The following ZFHX3 variants were observed in gnomAD, a reference collection of about 807,000 sequenced individuals.
ZFHX3 encodes the protein zinc finger homeobox 3, also known as zinc finger homeobox protein 3.
A neutral mutation model predicts 279.1 loss-of-function variants in ZFHX3; 42 were observed. That is an observed-to-expected ratio of 0.15 (90% CI 0.12 to 0.19). The LOEUF (loss-of-function observed/expected upper bound fraction) is 0.19, where lower values mean the gene tolerates loss of function less well. Among genes scored for constraint, ZFHX3 ranks in the 10% least tolerant of loss-of-function variants. The pLI, the probability that ZFHX3 is intolerant of heterozygous loss-of-function variation, is 1.00. For missense variants in ZFHX3, 4,981 were observed against 4,754.0 expected (o/e 1.05, Z -1.40); for synonymous variants, 2,293 against 1,957.8 (o/e 1.17, Z -4.52).
At chr16:73,022,479 G>A (rs538467236) in intron 1 of ZFHX3, among the ~76,000 whole-genome samples, 18 of 152,236 alleles carry the variant, frequency 1.2e-4, no homozygotes, top group Admixed American at 8.5e-4. Context: ...TGGGGATGAG[G>A]GTGGCTGTCC....
intron 1 of ZFHX3, among the ~76,000 whole-genome samples, chr16:73,725,660 T>G (rs2053513002): frequency 6.6e-6 from 1 of 152,078 alleles, no homozygotes; most frequent in Non-Finnish European, 1.5e-5. Flanking sequence ...AGGAGCTACC[T>G]AAGTCCTCCC....
intron 1 of ZFHX3, among the ~76,000 whole-genome samples, chr16:73,022,733 C>T (rs2067713010): frequency 6.6e-6 from 1 of 152,114 alleles, no homozygotes; most frequent in Non-Finnish European, 1.5e-5. Context: ...GGCTGGGAAA[C>T]AGGACGTGGT....
At chr16:73,131,240 T>C (rs113008359) in intron 6 of ZFHX3, 34 of 309,432 alleles carry the variant, frequency 1.1e-4, no homozygotes, top group African/African-American at 6.6e-4. Flanking sequence ...ATGCCTGTTA[T>C]ATATAATGAA....
intron 7 of ZFHX3, among the ~76,000 whole-genome samples, chr16:72,802,462 C>T (rs1480057193): frequency 6.6e-6 from 1 of 152,126 alleles, no homozygotes; most frequent in East Asian, 1.9e-4. Context: ...TAATCTGGGC[C>T]TCCAAACCTG....
chr16:72,940,084 A>T (rs530965938), intron 3 of ZFHX3, among the ~76,000 whole-genome samples: 1 of 150,800 alleles, frequency 6.6e-6, no homozygotes, highest in African/African-American at 2.4e-5. Flanking sequence ...TAATTTTTTA[A>T]ATTTTTTTAT....
intron 2 of ZFHX3, among the ~76,000 whole-genome samples, chr16:73,624,154 G>T (rs2052394180): frequency 6.6e-6 from 1 of 152,102 alleles, no homozygotes; most frequent in Non-Finnish European, 1.5e-5. Flanking sequence ...ATTAGATGCT[G>T]CTTAAACATT....
intron 5 of ZFHX3, among the ~76,000 whole-genome samples, chr16:73,191,223 A>G (rs1012793601): frequency 6.6e-6 from 1 of 152,158 alleles, no homozygotes; most frequent in Non-Finnish European, 1.5e-5. Flanking sequence ...CAGCAGGTAG[A>G]TCCACTGGTT....
intron 2 of ZFHX3, among the ~76,000 whole-genome samples, chr16:73,535,066 G>A (rs1306067911): frequency 1.3e-5 from 2 of 152,054 alleles, no homozygotes; most frequent in African/African-American, 4.8e-5. Context: ...ACTTTGATTT[G>A]TAGTGTTAGC....
intron 3 of ZFHX3, chr16:73,400,802 G>A (rs1003342457): frequency 6.6e-6 from 1 of 152,200 alleles, no homozygotes; most frequent in Non-Finnish European, 1.5e-5. Context: ...GGATAACGCT[G>A]AGGAGCTGGC....
At chr16:72,998,686 C>G (rs1280461471) in intron 1 of ZFHX3, among the ~76,000 whole-genome samples, 2 of 152,206 alleles carry the variant, frequency 1.3e-5, no homozygotes, top group East Asian at 3.9e-4. Flanking sequence ...AAACATAACT[C>G]TGATCTGGCC....
intron 7 of ZFHX3, among the ~76,000 whole-genome samples, chr16:73,124,736 G>T (rs190390043): frequency 7.9e-5 from 12 of 152,286 alleles, no homozygotes; most frequent in Middle Eastern, 6.8e-3. Context: ...AGAGTGTAGC[G>T]CACTGGGGTT....
chr16:73,094,961 C>G (rs1966141352), intron 7 of ZFHX3, among the ~76,000 whole-genome samples: 1 of 152,194 alleles, frequency 6.6e-6, no homozygotes. Flanking sequence ...CTGCCCACCT[C>G]AGCCTCCTAA....
chr16:73,816,135 A>G (rs1960564713), intron 1 of ZFHX3: 1 of 152,214 alleles, frequency 6.6e-6, no homozygotes, highest in South Asian at 2.1e-4. Flanking sequence ...ATGTATACAT[A>G]CATATATACA....
chr16:73,212,104 G>C (rs923802163), intron 5 of ZFHX3, among the ~76,000 whole-genome samples: 42 of 151,418 alleles, frequency 2.8e-4, no homozygotes, highest in African/African-American at 9.7e-4. Context: ...TTTTAAAGAA[G>C]TTTCAAGTTA....
intron 3 of ZFHX3, among the ~76,000 whole-genome samples, chr16:73,367,903 C>A (rs149063544): frequency 8.0e-4 from 113 of 140,384 alleles, no homozygotes; most frequent in Middle Eastern, 4.5e-3. Context: ...GAGTCTCACT[C>A]TGTTTCTCAG....
rs1397156550 is a variant in ZFHX3 at position 72,787,891 on chromosome 16, T to C, written c.10385A>G (p.Gln3462Arg). The change falls in exon 10 of 10, where the codon CAG becomes CGG. Residue 3462 changes from glutamine (Q) to arginine (R), a missense_variant. This residue lies in a region of ZFHX3 where 1,034 missense variants were observed against 786.0 expected (regional missense o/e 1.32). Coordinates refer to ENST00000268489, the MANE Select transcript of ZFHX3 (RefSeq NM_006885.4). ...GCACTTGCGGCAGACCAACTTGTAC[T>C]GCACCTTTGGAACAATGAAGGGGTC... ...LYDPFIVPKVQYKLVCRKCQA... is the reference protein window; with the variant it reads ...LYDPFIVPKVRYKLVCRKCQA... 9 of 1,614,050 alleles carry C rather than the reference T, an allele frequency of 5.6e-6. No homozygotes were observed. Among genetic ancestry groups the C allele is most frequent in the Non-Finnish European group, 7.6e-6 (9 of 1,180,004 alleles).
intron 5 of ZFHX3, among the ~76,000 whole-genome samples, chr16:73,251,652 GACAAGAGTAAA>G: frequency 6.6e-6 from 1 of 151,882 alleles, no homozygotes; most frequent in South Asian, 2.1e-4. Flanking sequence ...TTAGGTTAGG[GACAAGAGTAAA>G]ACACACATTC....
rs143130049 is a variant in ZFHX3, at chr16:72,886,371, A to T, written c.3448+3360T>A. On this transcript the variant is annotated intron_variant, in intron 4 of 9. Transcript: ENST00000268489. ...GAAGGGAAGTCTATCATCTCCACTG[A>T]AGTTGCTCACACACTTCTCGGGGGA... Among the ~76,000 whole-genome samples the T allele has an allele frequency of 2.7e-3, 409 of 151,750 alleles. 1 individual carries two copies. The highest frequency in any genetic ancestry group is 4.9e-3 in the Non-Finnish European group (330 of 67,852).
chr16:73,000,257 G>T (rs1013803820), intron 1 of ZFHX3, among the ~76,000 whole-genome samples: 1 of 152,244 alleles, frequency 6.6e-6, no homozygotes, highest in Non-Finnish European at 1.5e-5. Context: ...GAGGGACGAA[G>T]GGCACGCGGT....
Sources: gnomAD v4.1 joint callset for allele counts (sites outside exome capture counted in the v4.1 genomes callset) on GRCh38, gnomAD v4.1.1 for gene constraint, gnomAD v4.1.1 regional missense constraint, MANE v1.5 for transcripts, NCBI Gene and HGNC (gene_info 2026-07-23, HGNC 2026-07-21) for gene names.